CCDC60: variants seen among roughly 807,000 people sequenced by gnomAD.
CCDC60 encodes the protein coiled-coil domain-containing protein 60.
A neutral mutation model predicts 63.5 loss-of-function variants in CCDC60; 54 were observed. That is an observed-to-expected ratio of 0.85 (90% CI 0.68 to 1.07). CCDC60 has a LOEUF of 1.07. Ranked by LOEUF, CCDC60 falls within the 50% of genes least tolerant of loss-of-function variation. The pLI, the probability that CCDC60 is intolerant of heterozygous loss-of-function variation, is 0.00. For missense variants in CCDC60, 651 were observed against 684.3 expected (o/e 0.95, Z 0.54); for synonymous variants, 206 against 238.8 (o/e 0.86, Z 1.27).
At chr12:119,473,056 G>A (rs1270496492) in intron 3 of CCDC60, among the ~76,000 whole-genome samples, 1 of 152,206 alleles carries the variant, frequency 6.6e-6, no homozygotes, top group Non-Finnish European at 1.5e-5. Context: ...AAACATTCCT[G>A]AGATAGGTGC....
intron 1 of CCDC60, among the ~76,000 whole-genome samples, chr12:119,361,721 CAGTT>C (rs1254403381): frequency 3.9e-5 from 6 of 152,194 alleles, no homozygotes; most frequent in Non-Finnish European, 5.9e-5. Context: ...AAGACAAAAA[CAGTT>C]AGTGTCTATT....
At position 119,500,073 on chromosome 12, in the gene CCDC60, C is replaced by T; in HGVS notation, c.558-5C>T. The T allele has an allele frequency of 6.2e-7, 1 of 1,606,692 alleles. No individual in the cohort carries two copies. The highest frequency in any genetic ancestry group is 8.5e-7 in the Non-Finnish European group (1 of 1,173,558). On this transcript the variant is annotated splice_region_variant and splice_polypyrimidine_tract_variant and intron_variant, in intron 5 of 13. Transcript: ENST00000327554. The stretch of plus-strand genomic sequence containing the variant: ...GGAAAACTCATTAAGCTGTTTCTCA[C>T]TCAGGGACCCGGGTGGAAGCAAGAG...
chr12:119,418,384 T>C (rs1341246576), intron 1 of CCDC60, among the ~76,000 whole-genome samples: 7 of 117,284 alleles, frequency 6.0e-5, no homozygotes, highest in East Asian at 4.6e-4. Flanking sequence ...TTTTCTTTCT[T>C]TCTTTTTTTT....
At chr12:119,383,728 G>A (rs1304891978) in intron 1 of CCDC60, among the ~76,000 whole-genome samples, 1 of 152,178 alleles carries the variant, frequency 6.6e-6, no homozygotes, top group Non-Finnish European at 1.5e-5. Flanking sequence ...AACTTGAGCT[G>A]AATGAACCTG....
At chr12:119,353,598 CTTTTTTTTT>C (rs71072514) in intron 1 of CCDC60, among the ~76,000 whole-genome samples, 3 of 68,204 alleles carry the variant, frequency 4.4e-5, no homozygotes, top group African/African-American at 1.1e-4. Context: ...TCTTCTTCTT[CTTTTTTTTT>C]TTTTTTTTTT....
chr12:119,519,855 AGT>A (rs903078634), intron 8 of CCDC60, among the ~76,000 whole-genome samples: 5 of 126,954 alleles, frequency 3.9e-5, no homozygotes, highest in Admixed American at 1.6e-4. Context: ...AGAGAGAGAG[AGT>A]GTGTGTGTGT....
At position 119,522,866 on chromosome 12, in the gene CCDC60, A is replaced by G. The variant is rs1175441757; in HGVS notation, c.1041-73A>G. ...TGAATCCTGGAAGCTAGCAGGTGCC[A>G]TGGAGCACTGGGGGCACCCTTTTCT... On this transcript the variant is annotated intron_variant, in intron 9 of 13. Transcript: ENST00000327554. The G allele has an allele frequency of 7.4e-6, 10 of 1,344,528 alleles. No homozygotes were observed. The East Asian group carries it at 1.4e-4, about 18-fold the overall frequency. The allele number at this position is 1,344,528 out of a possible 1,614,324, so 83.3% of individuals were successfully genotyped here. A position where few individuals can be genotyped will look rare whatever the true frequency, so the allele number is the denominator to read the frequency against.
chr12:119,356,092 CCTATTAT>C (rs1188946329), intron 1 of CCDC60, among the ~76,000 whole-genome samples: 2 of 152,184 alleles, frequency 1.3e-5, no homozygotes, highest in African/African-American at 4.8e-5. Context: ...AAATAGTGGA[CCTATTAT>C]CTCCTTGTAC....
chr12:119,454,873 G>A (rs1253718923), intron 2 of CCDC60, among the ~76,000 whole-genome samples: 2 of 152,146 alleles, frequency 1.3e-5, no homozygotes, highest in African/African-American at 4.8e-5. Context: ...TTCCTTCTAG[G>A]TTTTATCCAC....
chr12:119,367,336 C>A (rs896812219), intron 1 of CCDC60, among the ~76,000 whole-genome samples: 2 of 152,146 alleles, frequency 1.3e-5, no homozygotes, highest in Non-Finnish European at 2.9e-5. Flanking sequence ...GTAAGTTAAA[C>A]CCTCTCCAGA....
At chr12:119,499,771 C>T (rs1593177207) in intron 5 of CCDC60, among the ~76,000 whole-genome samples, 1 of 152,136 alleles carries the variant, frequency 6.6e-6, no homozygotes, top group Admixed American at 6.5e-5. Flanking sequence ...CAGGAGTAAT[C>T]GCAGACCTGC....
chr12:119,392,552 G>T (rs749060512), intron 1 of CCDC60, among the ~76,000 whole-genome samples: 2 of 152,148 alleles, frequency 1.3e-5, no homozygotes, highest in South Asian at 2.1e-4. Flanking sequence ...CTTACCCAAC[G>T]CAGGGTGCAT....
At chr12:119,396,822 A>C (rs1224184328) in intron 1 of CCDC60, among the ~76,000 whole-genome samples, 1 of 152,260 alleles carries the variant, frequency 6.6e-6, no homozygotes, top group Non-Finnish European at 1.5e-5. Context: ...TCCAGGCTGC[A>C]GTGAGCTGTG....
intron 1 of CCDC60, among the ~76,000 whole-genome samples, chr12:119,373,713 G>A (rs7962864): frequency 0.012 from 1,751 of 151,514 alleles, 31 homozygotes; most frequent in African/African-American, 0.04. Flanking sequence ...GATGGGGGGC[G>A]TCCCCCTTCA....
intron 1 of CCDC60, among the ~76,000 whole-genome samples, chr12:119,399,680 CA>C (rs915901137): frequency 1.2e-4 from 18 of 152,178 alleles, no homozygotes; most frequent in African/African-American, 3.1e-4. Flanking sequence ...GCTCTGAAGA[CA>C]GGGGGGAAGG....
intron 5 of CCDC60, among the ~76,000 whole-genome samples, chr12:119,489,763 C>T (rs1275792046): frequency 6.6e-6 from 1 of 152,000 alleles, no homozygotes; most frequent in African/African-American, 2.4e-5. Context: ...CATAGTCCTG[C>T]CTCCCAGGTG....
At chr12:119,395,649 T>C (rs1170058847) in intron 1 of CCDC60, among the ~76,000 whole-genome samples, 1 of 152,238 alleles carries the variant, frequency 6.6e-6, no homozygotes, top group Non-Finnish European at 1.5e-5. Context: ...AGCACGGTAA[T>C]GAGTTTCACT....
At chr12:119,495,457 T>C (rs900925188) in intron 5 of CCDC60, among the ~76,000 whole-genome samples, 1 of 152,210 alleles carries the variant, frequency 6.6e-6, no homozygotes, top group African/African-American at 2.4e-5. Flanking sequence ...AAATTTTTGC[T>C]GTTTGCCTTA....
At chr12:119,462,728 C>A (rs564837207) in intron 2 of CCDC60, among the ~76,000 whole-genome samples, 1 of 152,228 alleles carries the variant, frequency 6.6e-6, no homozygotes, top group East Asian at 1.9e-4. Flanking sequence ...TTAAGTGATC[C>A]TCCTGCCTCA....
Sources: allele counts gnomAD v4.1 joint callset (sites outside exome capture counted in the v4.1 genomes callset), GRCh38; gene constraint gnomAD v4.1.1; transcripts MANE v1.5; gene names NCBI Gene and HGNC (gene_info 2026-07-23, HGNC 2026-07-21).